FAM13A: variants seen among roughly 807,000 people sequenced by gnomAD.
FAM13A encodes the protein family with sequence similarity 13 member A.
Under a neutral mutation model 129.6 loss-of-function variants are expected in FAM13A, and 76 were observed. That is an observed-to-expected ratio of 0.59 (90% CI 0.49 to 0.71). The LOEUF is 0.71. FAM13A is among the 30% of genes least tolerant of loss of function. FAM13A has a pLI of 0.00. For synonymous variants in FAM13A, 443 were observed against 449.9 expected (o/e 0.98, Z 0.20); for missense variants, 1,108 against 1,249.3 (o/e 0.89, Z 1.70).
chr4:88,926,292 T>C (rs1752149336), intron 5 of FAM13A, among the ~76,000 whole-genome samples: 1 of 152,166 alleles, frequency 6.6e-6, no homozygotes, highest in Admixed American at 6.5e-5. Context: ...ACTTTCATCC[T>C]GAGGAGATCA....
intron 6 of FAM13A, among the ~76,000 whole-genome samples, chr4:88,853,000 T>TCTAA (rs1305491909): frequency 1.3e-5 from 2 of 152,134 alleles, no homozygotes; most frequent in Non-Finnish European, 2.9e-5. Flanking sequence ...AAAAGGTATA[T>TCTAA]TTAGGATAGA....
chr4:88,945,380 G>A (rs1203090779), intron 4 of FAM13A, among the ~76,000 whole-genome samples: 9 of 152,128 alleles, frequency 5.9e-5, no homozygotes, highest in Admixed American at 1.3e-4. Flanking sequence ...AAATCAGGAC[G>A]AGAAGTTGCC....
At chr4:88,768,581 C>G (rs1746160026) in intron 11 of FAM13A, among the ~76,000 whole-genome samples, 1 of 151,876 alleles carries the variant, frequency 6.6e-6, no homozygotes, top group African/African-American at 2.4e-5. Context: ...TATGTATATA[C>G]ATATATATGC....
chr4:88,871,111 A>G (rs546244387), intron 6 of FAM13A, among the ~76,000 whole-genome samples: 2 of 152,326 alleles, frequency 1.3e-5, no homozygotes, highest in Admixed American at 1.3e-4. Context: ...CATCAACAAT[A>G]AGGACATCCA....
At chr4:89,030,678 T>C (rs1560878362) in intron 1 of FAM13A, among the ~76,000 whole-genome samples, 2 of 152,172 alleles carry the variant, frequency 1.3e-5, no homozygotes, top group Non-Finnish European at 2.9e-5. Flanking sequence ...AGTTAAGTTA[T>C]TGGTAAAAGT....
At position 88,814,699 on chromosome 4, in the gene FAM13A, G is replaced by A. The variant is rs148624459; in HGVS notation, c.1008-9647C>T. 2.2e-3 allele frequency among the ~76,000 whole-genome samples: 336 copies of A among 152,212 alleles called. 2 individuals carry two copies. Among genetic ancestry groups the A allele is most frequent in the Middle Eastern group, 0.017 (5 of 294 alleles). ...TATTTCTTTTTATAATCATTTTGCT[G>A]ACTGCAAAATACTGGTATCTATTAT... On this transcript the variant is annotated intron_variant, in intron 7 of 23. Coordinates refer to ENST00000264344, the MANE Select transcript of FAM13A (RefSeq NM_014883.4).
chr4:88,728,468 G>T lies in FAM13A; in HGVS notation c.*65C>A. On this transcript the variant is annotated 3_prime_UTR_variant, in exon 24 of 24. Transcript: ENST00000264344. ...AGCCCCAAGGCTGCCTTCCAGAGCTGCACTTTCTCTGGGGACAGTAAACTC... is the reference window on the plus strand; with the variant it reads ...AGCCCCAAGGCTGCCTTCCAGAGCTTCACTTTCTCTGGGGACAGTAAACTC... 6.2e-7 allele frequency: 1 copy of T among 1,601,112 alleles called. No homozygotes were observed.
chr4:88,949,376 T>A (rs1465204008), intron 4 of FAM13A, among the ~76,000 whole-genome samples: 1 of 152,160 alleles, frequency 6.6e-6, no homozygotes, highest in Non-Finnish European at 1.5e-5. Flanking sequence ...AGATACTATG[T>A]CCTTAATTGA....
rs932125431 is a variant in FAM13A at position 88,750,463 on chromosome 4, T to G, written c.1901A>C (p.Glu634Ala). ...GQSRQYLDDTEVPPSPPNSHS... is the reference protein window; with the variant it reads ...GQSRQYLDDTAVPPSPPNSHS... ...GGAGTTTGGTGGGGAAGGAGGCACTTCTGTGTCATCCAGGTATTGCCTGCT... is the reference window on the plus strand; with the variant it reads ...GGAGTTTGGTGGGGAAGGAGGCACTGCTGTGTCATCCAGGTATTGCCTGCT... The change falls in exon 15 of 24, where the codon GAA becomes GCA. Residue 634 changes from glutamate (E) to alanine (A), a missense_variant. This residue lies in a region of FAM13A where 529 missense variants were observed against 621.2 expected (regional missense o/e 0.85). Coordinates refer to ENST00000264344, the MANE Select transcript of FAM13A (RefSeq NM_014883.4). 13 of 1,614,152 alleles carry G rather than the reference T, an allele frequency of 8.1e-6. No individual in the cohort carries two copies. Among genetic ancestry groups the G allele is most frequent in the Non-Finnish European group, 1.1e-5 (13 of 1,180,018 alleles).
intron 4 of FAM13A, among the ~76,000 whole-genome samples, chr4:88,988,451 T>A (rs1302840178): frequency 6.6e-6 from 1 of 152,240 alleles, no homozygotes; most frequent in Non-Finnish European, 1.5e-5. Flanking sequence ...TTCCTCATTT[T>A]TAAGGATGCA....
intron 7 of FAM13A, among the ~76,000 whole-genome samples, chr4:88,850,548 CTG>C (rs1344515625): frequency 6.6e-6 from 1 of 151,900 alleles, no homozygotes; most frequent in African/African-American, 2.4e-5. Context: ...CACAGCGAGA[CTG>C]TGTCTCAAAA....
chr4:88,842,022 T>G lies in FAM13A; in HGVS notation c.1007+8998A>C, dbSNP rs1429074768. On this transcript the variant is annotated intron_variant, in intron 7 of 23. Transcript: ENST00000264344. ...ACCCAAATGTACGTCAACTAATGAG[T>G]GGATAAGCAAAATGTGGTTCATACA... Among the ~76,000 whole-genome samples the G allele has an allele frequency of 2.6e-5, 4 of 152,076 alleles. No homozygotes were observed. The East Asian group carries it at 7.7e-4, about 29-fold the overall frequency.
chr4:88,781,891 A>G (rs571481736), intron 10 of FAM13A, among the ~76,000 whole-genome samples: 1 of 151,548 alleles, frequency 6.6e-6, no homozygotes, highest in Non-Finnish European at 1.5e-5. Flanking sequence ...CCTAATGCTA[A>G]ATGACGAGTT....
chr4:88,823,716 C>T (rs1196150896), intron 7 of FAM13A, among the ~76,000 whole-genome samples: 2 of 152,192 alleles, frequency 1.3e-5, no homozygotes, highest in Non-Finnish European at 2.9e-5. Context: ...AGAAGGAAAG[C>T]ATGCCTCTAG....
intron 4 of FAM13A, among the ~76,000 whole-genome samples, chr4:88,976,636 T>C (rs1442062450): frequency 3.0e-5 from 4 of 135,316 alleles, no homozygotes; most frequent in African/African-American, 1.1e-4. Flanking sequence ...CATAGAGCAA[T>C]TATTTTGTTA....
intron 7 of FAM13A, among the ~76,000 whole-genome samples, chr4:88,811,302 G>A (rs908815774): frequency 6.6e-6 from 1 of 152,060 alleles, no homozygotes; most frequent in Non-Finnish European, 1.5e-5. Flanking sequence ...ACCACAGGAC[G>A]GTGTCAAGAA....
chr4:88,842,692 G>A (rs187900858), intron 7 of FAM13A, among the ~76,000 whole-genome samples: 1 of 152,332 alleles, frequency 6.6e-6, no homozygotes, highest in East Asian at 1.9e-4. Flanking sequence ...GATCACAGGA[G>A]TCCAGATATA....
At chr4:88,865,450 A>G (rs1257927392) in intron 6 of FAM13A, among the ~76,000 whole-genome samples, 2 of 152,256 alleles carry the variant, frequency 1.3e-5, no homozygotes, top group African/African-American at 4.8e-5. Context: ...TTTTAAAATG[A>G]CAATATAGTT....
At chr4:88,959,562 G>A (rs1355795424) in intron 4 of FAM13A, among the ~76,000 whole-genome samples, 2 of 152,170 alleles carry the variant, frequency 1.3e-5, no homozygotes, top group Non-Finnish European at 1.5e-5. Flanking sequence ...AGTTTCCTGA[G>A]GCTTCCCGAG....
Sources: gnomAD v4.1 joint callset for allele counts (sites outside exome capture counted in the v4.1 genomes callset) on GRCh38, gnomAD v4.1.1 for gene constraint, gnomAD v4.1.1 regional missense constraint, MANE v1.5 for transcripts, NCBI Gene and HGNC (gene_info 2026-07-23, HGNC 2026-07-21) for gene names.